Variants in AKR1C8 observed in about 807,000 individuals in gnomAD.
AKR1C8 encodes the protein aldo-keto reductase family 1 member C-like protein 1.
the AKR1C8 span, among the ~76,000 whole-genome samples, chr10:5,146,684 G>A: frequency 6.6e-6 from 1 of 152,160 alleles, no homozygotes; most frequent in African/African-American, 2.4e-5. Context: ...TCTATGGGTT[G>A]TCTGTTTACT....
chr10:5,129,863 T>C, the AKR1C8 span, among the ~76,000 whole-genome samples: 1 of 151,982 alleles, frequency 6.6e-6, no homozygotes, highest in African/African-American at 2.4e-5. Flanking sequence ...GTACGAATCC[T>C]ACTGAAAATA....
chr10:5,172,134 C>T, the AKR1C8 span, among the ~76,000 whole-genome samples: 1 of 152,114 alleles, frequency 6.6e-6, no homozygotes, highest in African/African-American at 2.4e-5. Flanking sequence ...TAGCTGCAAA[C>T]AGGCAAGTTG....
the AKR1C8 span, among the ~76,000 whole-genome samples, chr10:5,137,785 G>T: frequency 2.0e-5 from 3 of 152,054 alleles, no homozygotes; most frequent in East Asian, 1.9e-4. Context: ...CAACTGGGCC[G>T]CCAGGGGTGA....
the AKR1C8 span, among the ~76,000 whole-genome samples, chr10:5,156,380 TCTTA>T: frequency 1.1e-4 from 16 of 152,216 alleles, no homozygotes; most frequent in African/African-American, 2.7e-4. Context: ...AATAAATCTC[TCTTA>T]CTTAAGTCAA....
At chr10:5,179,792 A>G in the AKR1C8 span, among the ~76,000 whole-genome samples, 2 of 152,068 alleles carry the variant, frequency 1.3e-5, no homozygotes, top group African/African-American at 4.8e-5. Context: ...TGCATTCTTC[A>G]TGTAGTTCTC....
the AKR1C8 span, among the ~76,000 whole-genome samples, chr10:5,146,886 A>T: frequency 6.6e-6 from 1 of 152,222 alleles, no homozygotes; most frequent in Non-Finnish European, 1.5e-5. Context: ...ATCGGGTATT[A>T]AGATCACTCA....
At chr10:5,152,872 T>A in the AKR1C8 span, among the ~76,000 whole-genome samples, 1 of 152,202 alleles carries the variant, frequency 6.6e-6, no homozygotes, top group African/African-American at 2.4e-5. Context: ...CGGGGAGATA[T>A]TTTCTTTTCT....
the AKR1C8 span, among the ~76,000 whole-genome samples, chr10:5,126,568 CAG>C: frequency 6.6e-6 from 1 of 152,058 alleles, no homozygotes; most frequent in African/African-American, 2.4e-5. Flanking sequence ...GGTTCCTATC[CAG>C]AGATACCACC....
chr10:5,138,263 G>A, the AKR1C8 span, among the ~76,000 whole-genome samples: 4 of 152,042 alleles, frequency 2.6e-5, no homozygotes, highest in Non-Finnish European at 5.9e-5. Flanking sequence ...TTCCCAGAGC[G>A]GCCGTTTATA....
At chr10:5,160,734 T>C in the AKR1C8 span, 1 of 435,464 alleles carries the variant, frequency 2.3e-6, no homozygotes, top group Non-Finnish European at 4.7e-6. Flanking sequence ...TGGAGCAAAA[T>C]CCCATCTCTT....
chr10:5,137,778 C>A, the AKR1C8 span, among the ~76,000 whole-genome samples: 1 of 152,082 alleles, frequency 6.6e-6, no homozygotes, highest in Non-Finnish European at 1.5e-5. Flanking sequence ...AATTTTACAA[C>A]TGGGCCGCCA....
At chr10:5,120,365 T>C in the AKR1C8 span, among the ~76,000 whole-genome samples, 1 of 55,648 alleles carries the variant, frequency 1.8e-5, no homozygotes, top group Non-Finnish European at 3.2e-5. Flanking sequence ...CTTTAATTCC[T>C]CTAGTGCCAC....
chr10:5,137,356 T>C, the AKR1C8 span, among the ~76,000 whole-genome samples: 2 of 151,946 alleles, frequency 1.3e-5, no homozygotes, highest in Non-Finnish European at 2.9e-5. Flanking sequence ...CTCAATAAAA[T>C]ACTGGCAAAC....
At chr10:5,147,268 C>A in the AKR1C8 span, among the ~76,000 whole-genome samples, 1 of 152,132 alleles carries the variant, frequency 6.6e-6, no homozygotes, top group African/African-American at 2.4e-5. Context: ...ATGGATCTGT[C>A]CCAATGACCA....
At chr10:5,149,137 G>C in the AKR1C8 span, among the ~76,000 whole-genome samples, 1 of 152,040 alleles carries the variant, frequency 6.6e-6, no homozygotes, top group South Asian at 2.1e-4. Context: ...ACATAATTTT[G>C]TTGACTTGTA....
the AKR1C8 span, chr10:5,158,495 C>G: frequency 2.6e-6 from 1 of 390,552 alleles, no homozygotes; most frequent in Non-Finnish European, 5.2e-6. Flanking sequence ...CGCTTTTAAT[C>G]TTTGAGCTTT....
the AKR1C8 span, chr10:5,123,751 C>A: frequency 0.06 from 96,531 of 1,612,812 alleles, 3,349 homozygotes; most frequent in Middle Eastern, 0.09. Flanking sequence ...CTGTGGGCAA[C>A]CAGAACAATG....
At chr10:5,137,380 A>C in the AKR1C8 span, among the ~76,000 whole-genome samples, 2 of 152,190 alleles carry the variant, frequency 1.3e-5, no homozygotes, top group African/African-American at 2.4e-5. Context: ...ATCCAGCAGC[A>C]CATCAAAAAG....
chr10:5,136,242 G>A, the AKR1C8 span, among the ~76,000 whole-genome samples: 1 of 152,040 alleles, frequency 6.6e-6, no homozygotes, highest in South Asian at 2.1e-4. Context: ...TCTCTTTGGA[G>A]GGCAAATTTG....
Sources: allele counts gnomAD v4.1 joint callset (sites outside exome capture counted in the v4.1 genomes callset), GRCh38; gene constraint gnomAD v4.1.1; transcripts MANE v1.5; gene names NCBI Gene and HGNC (gene_info 2026-07-23, HGNC 2026-07-21).